Variants in VRTN observed in about 807,000 individuals in gnomAD.
VRTN encodes the protein vertnin.
Under a neutral mutation model 18.2 loss-of-function variants are expected in VRTN, and 5 were observed. The ratio of observed to expected loss-of-function variants is 0.27; its 90% CI spans 0.14 to 0.58. VRTN has a LOEUF of 0.58. Ranked by LOEUF, VRTN falls within the 20% of genes least tolerant of loss-of-function variation. The pLI, the probability that VRTN is intolerant of heterozygous loss-of-function variation, is 0.91. For synonymous variants in VRTN, 381 were observed against 393.7 expected (o/e 0.97, Z 0.38); for missense variants, 741 against 939.4 (o/e 0.79, Z 2.76).
chr14:74,328,161 A>G (rs2085499330), intron 1 of VRTN, among the ~76,000 whole-genome samples: 1 of 152,156 alleles, frequency 6.6e-6, no homozygotes, highest in Admixed American at 6.5e-5. Flanking sequence ...TTCCTGGGTT[A>G]TGAGCCAATA....
intron 1 of VRTN, among the ~76,000 whole-genome samples, chr14:74,328,800 C>A (rs2085503208): frequency 6.6e-6 from 1 of 152,156 alleles, no homozygotes; most frequent in Admixed American, 6.6e-5. Context: ...GGGTTCGAGA[C>A]CAGCCTGGCC....
At chr14:74,343,234 C>A (rs1344316157) in intron 2 of VRTN, among the ~76,000 whole-genome samples, 1 of 152,134 alleles carries the variant, frequency 6.6e-6, no homozygotes, top group Non-Finnish European at 1.5e-5. Context: ...TCAAGCGATT[C>A]TCCTGCCTCA....
intron 1 of VRTN, among the ~76,000 whole-genome samples, chr14:74,318,300 G>A (rs985678526): frequency 7.5e-5 from 11 of 146,234 alleles, no homozygotes; most frequent in East Asian, 2.0e-4. Context: ...ACAGAGTTTC[G>A]CTCTTTGTTG....
intron 1 of VRTN, among the ~76,000 whole-genome samples, chr14:74,327,042 C>T (rs2085492534): frequency 6.6e-6 from 1 of 152,170 alleles, no homozygotes; most frequent in African/African-American, 2.4e-5. Context: ...AGGTGGCTGT[C>T]CTGTAGGATT....
At chr14:74,334,609 C>CTG (rs751553378) in intron 1 of VRTN, among the ~76,000 whole-genome samples, 99 of 152,308 alleles carry the variant, frequency 6.5e-4, no homozygotes, top group Admixed American at 1.6e-3. Context: ...AAAGAAGATA[C>CTG]TGTTTTCCAA....
At position 74,357,038 on chromosome 14, in the gene VRTN, G is replaced by A. The variant is rs1225272539; in HGVS notation, c.255G>A (p.Leu85=). 1 of 1,608,902 alleles carries A rather than the reference G, an allele frequency of 6.2e-7. No individual in the cohort carries two copies. Among genetic ancestry groups the A allele is most frequent in the South Asian group, 1.1e-5 (1 of 90,818 alleles). The change falls in exon 2 of 2, where the codon CTG becomes CTA. Residue 85 remains leucine (L), a synonymous_variant. Transcript: ENST00000256362. The surrounding 1 kb of genome is among the most constrained non-coding windows in gnomAD (Gnocchi z 7.8). The part of the protein sequence containing the change: ...LPLVCKGEGS[L]LFEAASMLLW... ...TGGTGTGCAAGGGGGAGGGCAGCCT[G>A]CTGTTCGAGGCGGCCAGCATGCTGC...
intron 1 of VRTN, among the ~76,000 whole-genome samples, chr14:74,315,548 C>T (rs1310366375): frequency 6.6e-6 from 1 of 152,072 alleles, no homozygotes; most frequent in Non-Finnish European, 1.5e-5. Flanking sequence ...AACAATACAA[C>T]AAAAAAGCAA....
At chr14:74,303,108 C>T in exon 1 of VRTN, 1 of 474,754 alleles carries the variant, frequency 2.1e-6, no homozygotes, top group East Asian at 3.5e-5. Flanking sequence ...CCGGCGGCTA[C>T]AGCGCCCCCA....
At chr14:74,324,511 T>C (rs757926896) in intron 1 of VRTN, among the ~76,000 whole-genome samples, 26 of 152,226 alleles carry the variant, frequency 1.7e-4, no homozygotes, top group Non-Finnish European at 2.6e-4. Context: ...GGCCAGTCTG[T>C]CTGGCAGCTG....
chr14:74,352,320 A>G (rs1456146584), intron 1 of VRTN, among the ~76,000 whole-genome samples: 1 of 151,914 alleles, frequency 6.6e-6, no homozygotes, highest in Admixed American at 6.6e-5. Context: ...CTGGGATAAC[A>G]GGCACCTGCC....
At chr14:74,339,239 T>G (rs190537892) in intron 2 of VRTN, among the ~76,000 whole-genome samples, 652 of 152,266 alleles carry the variant, frequency 4.3e-3, no homozygotes, top group East Asian at 8.7e-3. Flanking sequence ...TCAGATCATT[T>G]CATTGGCCCT....
chr14:74,347,666 T>C (rs1235313499), upstream of VRTN, among the ~76,000 whole-genome samples: 1 of 152,184 alleles, frequency 6.6e-6, no homozygotes, highest in Non-Finnish European at 1.5e-5. Context: ...TCCTGAGGCC[T>C]TCACCTCCCC....
chr14:74,336,306 C>A (rs945069719), intron 1 of VRTN, among the ~76,000 whole-genome samples: 2 of 152,080 alleles, frequency 1.3e-5, no homozygotes, highest in East Asian at 3.9e-4. Flanking sequence ...GCTCGGGAGG[C>A]TGAGGCAGGA....
intron 1 of VRTN, among the ~76,000 whole-genome samples, chr14:74,356,046 G>A (rs1401174950): frequency 6.6e-6 from 1 of 152,010 alleles, no homozygotes; most frequent in Non-Finnish European, 1.5e-5. Context: ...TGCTCAGGCT[G>A]GTCTTGAACT....
chr14:74,348,234 A>G (rs2085656404), upstream of VRTN, among the ~76,000 whole-genome samples: 1 of 151,832 alleles, frequency 6.6e-6, no homozygotes, highest in South Asian at 2.1e-4. Flanking sequence ...CCTCCCCCCA[A>G]ACTCTTTGGA....
At position 74,358,236 on chromosome 14, in the gene VRTN, A is replaced by G. The variant is rs113674861; in HGVS notation, c.1453A>G (p.Asn485Asp). Residue 485 changes from asparagine to aspartate, a missense_variant, in exon 2 of 2, where the codon AAT becomes GAT. Coordinates refer to ENST00000256362, the MANE Select transcript of VRTN (RefSeq NM_018228.3). The surrounding 1 kb of genome is among the most constrained non-coding windows in gnomAD (Gnocchi z 5.4). ...WKSEAEEGAG[N>D]ATGEDPPAPG... ...GAGTGAGGCGGAAGAGGGGGCAGGG[A>G]ATGCCACAGGTGAGGACCCTCCCGC... 1.6e-4 allele frequency: 250 copies of G among 1,612,448 alleles called. 2 individuals carry two copies. The African/African-American group carries it at 2.7e-3, about 18-fold the overall frequency.
At chr14:74,324,062 G>A (rs917456345) in intron 1 of VRTN, among the ~76,000 whole-genome samples, 4 of 151,996 alleles carry the variant, frequency 2.6e-5, no homozygotes, top group African/African-American at 9.7e-5. Flanking sequence ...GTGCTTAACT[G>A]CCGTGAATGG....
intron 1 of VRTN, among the ~76,000 whole-genome samples, chr14:74,307,137 CTT>C (rs56345315): frequency 1.9e-3 from 170 of 87,730 alleles, no homozygotes; most frequent in African/African-American, 7.7e-3. Flanking sequence ...TGTTGTGGCC[CTT>C]TTTTTTTTTT....
intron 1 of VRTN, among the ~76,000 whole-genome samples, chr14:74,312,741 G>A (rs765534300): frequency 6.8e-5 from 10 of 146,174 alleles, no homozygotes; most frequent in Admixed American, 2.1e-4. Context: ...ACGCACCACC[G>A]CACCTGGCCT....
Sources: allele counts gnomAD v4.1 joint callset (sites outside exome capture counted in the v4.1 genomes callset), GRCh38; gene constraint gnomAD v4.1.1; non-coding constraint Gnocchi (gnomAD v3.1); transcripts MANE v1.5; gene names NCBI Gene and HGNC (gene_info 2026-07-23, HGNC 2026-07-21).